The following C10orf90 variants were observed in gnomAD, a reference collection of about 807,000 sequenced individuals.
C10orf90 encodes the protein chromosome 10 open reading frame 90.
In C10orf90, 56 loss-of-function variants were observed where a neutral mutation model predicts 62.5. The ratio of observed to expected loss-of-function variants is 0.90; its 90% CI spans 0.72 to 1.12. The LOEUF is 1.12. Among genes scored for constraint, C10orf90 ranks in the 50% most tolerant of loss-of-function variants. C10orf90 has a pLI of 0.00. For missense variants in C10orf90, 970 were observed against 880.4 expected (o/e 1.10, Z -1.29); for synonymous variants, 386 against 340.4 (o/e 1.13, Z -1.47).
At position 126,578,266 on chromosome 10, in the gene C10orf90, T is replaced by C. The variant is rs1419624303; in HGVS notation, c.314-64327A>G. Reference sequence around the variant, plus strand: ...ACAAAGAATTTGTATCCAGAGTACATAAAGAACTCTCGCGAATTAGTAATA... The same window carrying C: ...ACAAAGAATTTGTATCCAGAGTACACAAAGAACTCTCGCGAATTAGTAATA... On this transcript the variant is annotated intron_variant, in intron 2 of 9. Transcript: ENST00000488181. 2.6e-5 allele frequency among the ~76,000 whole-genome samples: 4 copies of C among 152,098 alleles called. No homozygotes were observed. The East Asian group carries it at 7.7e-4, about 29-fold the overall frequency.
Position 126,670,553 on chromosome 10 carries a change from A to G in C10orf90, c.-73T>C. ...TTTTCTTTGTTTAACCCAGGTATTG[A>G]GTGCAACAGGAGGGACTTGGGCAGT... On this transcript the variant is annotated 5_prime_UTR_variant, in exon 1 of 10. Coordinates refer to ENST00000488181, the MANE Select transcript of C10orf90 (RefSeq NM_001350921.2). The G allele has an allele frequency of 2.3e-6, 1 of 435,088 alleles. No homozygotes were observed. The highest frequency in any genetic ancestry group is 1.7e-5 in the South Asian group (1 of 60,064). The allele number at this position is 435,088 out of a possible 1,614,324, so 27.0% of individuals were successfully genotyped here. A position where few individuals can be genotyped will look rare whatever the true frequency, so the allele number is the denominator to read the frequency against.
chr10:126,572,575 A>G (rs2134005388), intron 2 of C10orf90, among the ~76,000 whole-genome samples: 1 of 152,018 alleles, frequency 6.6e-6, no homozygotes, highest in South Asian at 2.1e-4. Flanking sequence ...TGCTGGTGGG[A>G]GTGGAGCAGT....
At chr10:126,514,172 A>G (rs1863300142) in intron 2 of C10orf90, among the ~76,000 whole-genome samples, 1 of 152,136 alleles carries the variant, frequency 6.6e-6, no homozygotes, top group Non-Finnish European at 1.5e-5. Context: ...CTTCTTCCAT[A>G]TGATCGTTTG....
At position 126,581,943 on chromosome 10, in the gene C10orf90, C is replaced by T. The variant is rs564279905; in HGVS notation, c.313+64622G>A. Among the ~76,000 whole-genome samples the T allele has an allele frequency of 7.2e-5, 11 of 152,236 alleles. No individual in the cohort carries two copies. In the East Asian group the frequency reaches 7.8e-4, roughly 11 times the overall value. ...TCAGTTGCAGAAGGACAATGTGATT[C>T]GGCGGGTGGCAGCTGTGGTGACAAT... On this transcript the variant is annotated intron_variant, in intron 2 of 9. Transcript: ENST00000488181.
intron 2 of C10orf90, among the ~76,000 whole-genome samples, chr10:126,591,347 C>T (rs1844975482): frequency 1.3e-5 from 2 of 152,162 alleles, no homozygotes; most frequent in African/African-American, 4.8e-5. Flanking sequence ...GCTTATCGAC[C>T]ATAATCAAGT....
At chr10:126,447,004 G>A (rs896679745) in intron 7 of C10orf90, among the ~76,000 whole-genome samples, 4 of 152,016 alleles carry the variant, frequency 2.6e-5, no homozygotes, top group African/African-American at 9.7e-5. Flanking sequence ...TAACCACAGT[G>A]TAAAAACCTA....
intron 3 of C10orf90, among the ~76,000 whole-genome samples, chr10:126,510,731 G>C (rs1394884564): frequency 6.6e-6 from 1 of 152,208 alleles, no homozygotes; most frequent in Non-Finnish European, 1.5e-5. Context: ...TGATTTTGTA[G>C]TGCTGGTAAC....
intron 5 of C10orf90, among the ~76,000 whole-genome samples, chr10:126,463,745 C>T (rs546770803): frequency 2.6e-5 from 4 of 152,244 alleles, no homozygotes; most frequent in Non-Finnish European, 4.4e-5. Flanking sequence ...CACAGTCCCT[C>T]CTCTGAGTGT....
At chr10:126,640,598 G>A (rs981778295) in intron 2 of C10orf90, among the ~76,000 whole-genome samples, 4 of 152,218 alleles carry the variant, frequency 2.6e-5, no homozygotes, top group South Asian at 2.1e-4. Context: ...TTGTGGTTGT[G>A]CAATCAACAA....
At chr10:126,620,309 C>A (rs1439464552) in intron 2 of C10orf90, among the ~76,000 whole-genome samples, 3 of 152,118 alleles carry the variant, frequency 2.0e-5, no homozygotes, top group Non-Finnish European at 4.4e-5. Flanking sequence ...GAGTCAGGAC[C>A]ATTTTCCCCC....
chr10:126,573,189 C>T (rs1340902807), intron 2 of C10orf90, among the ~76,000 whole-genome samples: 5 of 152,104 alleles, frequency 3.3e-5, no homozygotes, highest in Admixed American at 6.5e-5. Context: ...GTGAGAGGGT[C>T]GTGATCGATT....
chr10:126,558,872 A>T (rs911040840), intron 2 of C10orf90, among the ~76,000 whole-genome samples: 2 of 152,250 alleles, frequency 1.3e-5, no homozygotes, highest in South Asian at 4.1e-4. Flanking sequence ...CACTCTTGGC[A>T]GTGCTGGGTA....
chr10:126,458,714 G>A (rs1859745217), intron 7 of C10orf90, among the ~76,000 whole-genome samples: 1 of 152,158 alleles, frequency 6.6e-6, no homozygotes, highest in Non-Finnish European at 1.5e-5. Context: ...AGGGCAAAGG[G>A]GATCTCTTGC....
intron 2 of C10orf90, among the ~76,000 whole-genome samples, chr10:126,642,104 G>A (rs1329275626): frequency 6.6e-6 from 1 of 152,178 alleles, no homozygotes; most frequent in Non-Finnish European, 1.5e-5. Flanking sequence ...GAAGTTTAGA[G>A]CAGCTTCATA....
At chr10:126,632,318 G>C (rs980159724) in intron 2 of C10orf90, among the ~76,000 whole-genome samples, 1 of 151,970 alleles carries the variant, frequency 6.6e-6, no homozygotes, top group Non-Finnish European at 1.5e-5. Context: ...CAGGCATCCA[G>C]CACTGCCTCT....
intron 2 of C10orf90, among the ~76,000 whole-genome samples, chr10:126,642,884 C>T (rs1846094210): frequency 1.3e-5 from 2 of 152,172 alleles, no homozygotes; most frequent in African/African-American, 4.8e-5. Context: ...CCCCATAAGC[C>T]TCCTGGATCC....
chr10:126,510,342 C>T (rs1031899066), intron 3 of C10orf90, among the ~76,000 whole-genome samples: 1 of 152,158 alleles, frequency 6.6e-6, no homozygotes. Context: ...AGTCAGCCGA[C>T]TACTTTTAAA....
intron 2 of C10orf90, among the ~76,000 whole-genome samples, chr10:126,539,900 T>C (rs1864334289): frequency 6.6e-6 from 1 of 152,182 alleles, no homozygotes; most frequent in Non-Finnish European, 1.5e-5. Context: ...ACAGAAAGAT[T>C]GCAAAGAAAG....
intron 4 of C10orf90, among the ~76,000 whole-genome samples, chr10:126,497,815 G>T (rs1415680118): frequency 1.3e-5 from 2 of 152,196 alleles, no homozygotes; most frequent in Non-Finnish European, 2.9e-5. Context: ...AAATTGGCAT[G>T]GCTATTTTCA....
Sources: allele counts gnomAD v4.1 joint callset (sites outside exome capture counted in the v4.1 genomes callset), GRCh38; gene constraint gnomAD v4.1.1; transcripts MANE v1.5; gene names NCBI Gene and HGNC (gene_info 2026-07-23, HGNC 2026-07-21).